TMEM131: variants seen among roughly 807,000 people sequenced by gnomAD.
The protein encoded by TMEM131 is transmembrane protein 131, also known as 2610524E03Rik.
Under a neutral mutation model 211.6 loss-of-function variants are expected in TMEM131, and 66 were observed. The ratio of observed to expected loss-of-function variants is 0.31; its 90% CI spans 0.26 to 0.38. TMEM131 has a LOEUF of 0.38. TMEM131 is among the 10% of genes least tolerant of loss of function. The pLI, the probability that TMEM131 is intolerant of heterozygous loss-of-function variation, is 1.00. For missense variants in TMEM131, 2,036 were observed against 2,299.3 expected (o/e 0.89, Z 2.34); for synonymous variants, 844 against 841.3 (o/e 1.00, Z -0.06).
chr2:97,980,434 G>A (rs1462484875), intron 1 of TMEM131, among the ~76,000 whole-genome samples: 1 of 152,156 alleles, frequency 6.6e-6, no homozygotes, highest in Non-Finnish European at 1.5e-5. Flanking sequence ...ACCAAGCACT[G>A]GCAAGCATAT....
chr2:97,766,743 C>A, intron 33 of TMEM131, 141 bp from the exon 34 acceptor site: 1 of 993,910 alleles, frequency 1.0e-6, no homozygotes, highest in Non-Finnish European at 1.5e-6. Context: ...TACCCTTGGT[C>A]CTAACTCAGG....
intron 1 of TMEM131, among the ~76,000 whole-genome samples, chr2:97,933,569 T>C (rs1048271422): frequency 2.0e-5 from 3 of 152,122 alleles, no homozygotes; most frequent in Non-Finnish European, 4.4e-5. Flanking sequence ...TGCTACTGAA[T>C]TGTACACTTA....
chr2:97,836,920 A>G (rs1392898835), intron 8 of TMEM131, among the ~76,000 whole-genome samples, 157 bp downstream of exon 8: 1 of 152,204 alleles, frequency 6.6e-6, no homozygotes, highest in Non-Finnish European at 1.5e-5. Flanking sequence ...TTCCTCCTCC[A>G]ATTTTCATAT....
At chr2:97,993,711 C>T (rs1169689815) in intron 1 of TMEM131, among the ~76,000 whole-genome samples, 1 of 152,230 alleles carries the variant, frequency 6.6e-6, no homozygotes, top group Admixed American at 6.5e-5. Context: ...AAGTATTCTC[C>T]TCATCCAATC....
chr2:97,769,207 G>C (rs1559347377), intron 33 of TMEM131, among the ~76,000 whole-genome samples: 1 of 151,574 alleles, frequency 6.6e-6, no homozygotes, highest in Non-Finnish European at 1.5e-5. Context: ...GGCTGATCTT[G>C]AACTCCTGGG....
At chr2:97,896,287 G>A (rs1470676370) in intron 3 of TMEM131, among the ~76,000 whole-genome samples, 1 of 152,102 alleles carries the variant, frequency 6.6e-6, no homozygotes, top group African/African-American at 2.4e-5. Flanking sequence ...CCAATTATGT[G>A]GTCAATTTTA....
chr2:97,802,401 A>G lies in TMEM131; in HGVS notation c.2651+27T>C, dbSNP rs751352506. On this transcript the variant is annotated intron_variant, in intron 24 of 40. Transcript: ENST00000186436. Reference sequence around the variant, plus strand: ...TACTAATTCAATACTACATAGAAACACTGTGATGATCCCAAGCAATACTTA... The same window carrying G: ...TACTAATTCAATACTACATAGAAACGCTGTGATGATCCCAAGCAATACTTA... The G allele has an allele frequency of 4.0e-6, 6 of 1,492,204 alleles. No homozygotes were observed. In the African/African-American group the frequency reaches 7.0e-5, roughly 18 times the overall value. The allele number at this position is 1,492,204 out of a possible 1,614,324, so 92.4% of individuals were successfully genotyped here.
intron 1 of TMEM131, among the ~76,000 whole-genome samples, chr2:97,937,032 T>C (rs992999228): frequency 6.6e-6 from 1 of 151,932 alleles, no homozygotes; most frequent in Non-Finnish European, 1.5e-5. Context: ...CAAATAAATT[T>C]AAAGAAACAA....
intron 2 of TMEM131, among the ~76,000 whole-genome samples, chr2:97,915,089 G>A (rs1247928660): frequency 6.6e-6 from 1 of 152,192 alleles, no homozygotes; most frequent in African/African-American, 2.4e-5. Flanking sequence ...ATTGCCTGGT[G>A]GCTAACAATG....
chr2:97,757,749 C>T (rs549168360), intron 40 of TMEM131, among the ~76,000 whole-genome samples: 1 of 152,308 alleles, frequency 6.6e-6, no homozygotes, highest in African/African-American at 2.4e-5. Flanking sequence ...CCAGCTCTGC[C>T]TACTTTTGTA....
chr2:97,951,679 G>T (rs1306553599), intron 1 of TMEM131, among the ~76,000 whole-genome samples: 1 of 152,046 alleles, frequency 6.6e-6, no homozygotes, highest in African/African-American at 2.4e-5. Context: ...ACTCCAGTCT[G>T]GGATACACGG....
At chr2:97,967,516 GAAAAA>G (rs756834790) in intron 1 of TMEM131, among the ~76,000 whole-genome samples, 1 of 141,758 alleles carries the variant, frequency 7.1e-6, no homozygotes, top group Admixed American at 7.0e-5. Flanking sequence ...AAAGGAAAGA[GAAAAA>G]AAAAAGAGTA....
chr2:97,928,419 T>C (rs1412440700), intron 1 of TMEM131, among the ~76,000 whole-genome samples: 2 of 150,606 alleles, frequency 1.3e-5, no homozygotes, highest in Non-Finnish European at 2.9e-5. Context: ...CAGGACATGA[T>C]GCATTTGTCA....
chr2:97,898,285 CTATT>C (rs562660650), intron 3 of TMEM131, among the ~76,000 whole-genome samples: 25 of 152,162 alleles, frequency 1.6e-4, no homozygotes, highest in African/African-American at 5.5e-4. Context: ...CTATAAATGT[CTATT>C]TAAATACTGC....
intron 1 of TMEM131, among the ~76,000 whole-genome samples, chr2:97,977,945 G>GGT (rs889828129): frequency 2.6e-5 from 4 of 152,088 alleles, no homozygotes; most frequent in Non-Finnish European, 5.9e-5. Context: ...AAATTAGCCA[G>GGT]GTGTGGTGGG....
chr2:97,870,831 T>A (rs1020014326), intron 4 of TMEM131, among the ~76,000 whole-genome samples: 1 of 152,172 alleles, frequency 6.6e-6, no homozygotes, highest in East Asian at 1.9e-4. Context: ...AATACTACTA[T>A]CCTCCTTTCA....
intron 5 of TMEM131, among the ~76,000 whole-genome samples, chr2:97,852,773 G>T (rs775913592): frequency 6.6e-6 from 1 of 152,214 alleles, no homozygotes; most frequent in Non-Finnish European, 1.5e-5. Context: ...CTAAAGAGAA[G>T]TCAGTGCCTG....
At chr2:97,783,210 T>C (rs893131554) in intron 31 of TMEM131, among the ~76,000 whole-genome samples, 2 of 152,028 alleles carry the variant, frequency 1.3e-5, no homozygotes, top group Non-Finnish European at 2.9e-5. Flanking sequence ...CAGAATCCTA[T>C]ACTCAAATGA....
chr2:97,952,294 C>T (rs1573607733), intron 1 of TMEM131, among the ~76,000 whole-genome samples: 1 of 151,928 alleles, frequency 6.6e-6, no homozygotes, highest in South Asian at 2.1e-4. Flanking sequence ...AAATGTGACG[C>T]TGAGGGAGGA....
Sources: allele counts gnomAD v4.1 joint callset (sites outside exome capture counted in the v4.1 genomes callset), GRCh38; gene constraint gnomAD v4.1.1; transcripts MANE v1.5; gene names NCBI Gene and HGNC (gene_info 2026-07-23, HGNC 2026-07-21).